Variants in CLVS2 observed in about 807,000 individuals in gnomAD.
CLVS2 encodes the protein clavesin 2.
A neutral mutation model predicts 29.0 loss-of-function variants in CLVS2; 19 were observed. That is an observed-to-expected ratio of 0.66 (90% CI 0.46 to 0.96). The LOEUF (loss-of-function observed/expected upper bound fraction) is 0.96. Ranked by LOEUF, CLVS2 falls within the 40% of genes least tolerant of loss-of-function variation. CLVS2 has a pLI of 0.00. For synonymous variants in CLVS2, 161 were observed against 151.3 expected, an observed-to-expected ratio of 1.06 and a Z score of -0.47; for missense variants, 294 against 404.1, an observed-to-expected ratio of 0.73 and a Z score of 2.34.
At position 123,044,219 on chromosome 6, in the gene CLVS2, A is replaced by T. The variant is rs938101811; in HGVS notation, c.565-4403A>T. On this transcript the variant is annotated intron_variant, in intron 3 of 5. Coordinates refer to ENST00000275162, the MANE Select transcript of CLVS2 (RefSeq NM_001010852.4). ...TTCTATTTCATTGTCTCCAGTGAAG[A>T]ACTGTGTAGCCAGCAAGTCAATGAT... Among the ~76,000 whole-genome samples the T allele has an allele frequency of 4.6e-5, 7 of 152,220 alleles. No individual in the cohort carries two copies. The East Asian group carries it at 1.3e-3, about 29-fold the overall frequency.
intron 2 of CLVS2, among the ~76,000 whole-genome samples, chr6:123,009,184 A>C (rs747535869): frequency 6.6e-6 from 1 of 152,026 alleles, no homozygotes; most frequent in Non-Finnish European, 1.5e-5. Flanking sequence ...TGCTGCCCTC[A>C]GTCCTCCCCC....
At position 123,055,788 on chromosome 6, in the gene CLVS2, G is replaced by A. The variant is rs752407735; in HGVS notation, c.676-18G>A. The A allele has an allele frequency of 1.9e-5, 30 of 1,563,930 alleles. No individual in the cohort carries two copies. Among genetic ancestry groups the A allele is most frequent in the South Asian group, 1.2e-4 (11 of 90,060 alleles). ...TCCTCTGTGTCTTTCCCTTCCTCCC[G>A]TCTTCTTGCATTTATAGATATTTTT... On this transcript the variant is annotated intron_variant, in intron 4 of 5. Transcript: ENST00000275162.
chr6:123,000,552 C>A (rs535988569), intron 2 of CLVS2, among the ~76,000 whole-genome samples: 1 of 152,116 alleles, frequency 6.6e-6, no homozygotes, highest in Non-Finnish European at 1.5e-5. Context: ...TTTCCTCTAC[C>A]CCGAAGGCTC....
At position 122,997,401 on chromosome 6, in the gene CLVS2, G is replaced by T. The variant is rs939175775; in HGVS notation, c.-377G>T. The T allele has an allele frequency of 8.2e-6, 2 of 243,862 alleles. No individual in the cohort carries two copies. Among genetic ancestry groups the T allele is most frequent in the Non-Finnish European group, 1.7e-5 (2 of 115,762 alleles). 15.1% of individuals were successfully genotyped at this position (243,862 alleles called of 1,614,324 possible). On this transcript the variant is annotated 5_prime_UTR_variant, in exon 2 of 6. Coordinates refer to ENST00000275162, the MANE Select transcript of CLVS2 (RefSeq NM_001010852.4). ...TCTTGGAAGAGAAGAGAAGAGGACA[G>T]TACCAAGATCAGAAACACCCGTGCT...
chr6:123,006,944 T>C (rs1016789485), intron 2 of CLVS2, among the ~76,000 whole-genome samples: 3 of 152,154 alleles, frequency 2.0e-5, no homozygotes, highest in Middle Eastern at 3.4e-3. Context: ...TGAAAGATAA[T>C]AGACTGACCA....
chr6:123,018,616 T>C (rs1774875385), intron 3 of CLVS2, among the ~76,000 whole-genome samples: 1 of 151,814 alleles, frequency 6.6e-6, no homozygotes, highest in South Asian at 2.1e-4. Flanking sequence ...TTCTATTCTC[T>C]TAAGATTGTT....
intron 3 of CLVS2, among the ~76,000 whole-genome samples, chr6:123,014,052 A>G (rs1440903905): frequency 6.6e-6 from 1 of 152,140 alleles, no homozygotes; most frequent in Non-Finnish European, 1.5e-5. Flanking sequence ...TTCTTAATCC[A>G]GTCTATCGTT....
chr6:123,003,697 A>G (rs1421579890), intron 2 of CLVS2, among the ~76,000 whole-genome samples: 1 of 152,178 alleles, frequency 6.6e-6, no homozygotes, highest in Non-Finnish European at 1.5e-5. Flanking sequence ...GGAAGAAAAA[A>G]CATGTAAAGC....
intron 3 of CLVS2, among the ~76,000 whole-genome samples, chr6:123,021,160 T>G (rs1273963586): frequency 6.6e-6 from 1 of 152,068 alleles, no homozygotes; most frequent in Non-Finnish European, 1.5e-5. Flanking sequence ...CAAAATAATT[T>G]TTTTCTTAGT....
rs913673274 is a variant in CLVS2, at chr6:123,071,041, A to G, written c.*7280A>G. On this transcript the variant is annotated 3_prime_UTR_variant, in exon 6 of 6. Transcript: ENST00000275162. ...TCCTGCTGTATTTCCTCTCCATAGC[A>G]TTTATCACCTGATACACCATACAGA... is the stretch of plus-strand genomic sequence containing the variant. 1.3e-5 allele frequency: 2 copies of G among 151,890 alleles called. No individual in the cohort carries two copies. 9.4% of individuals were successfully genotyped at this position (151,890 alleles called of 1,614,324 possible).
rs1417284534 is a variant in CLVS2, at chr6:123,010,987, A to G, written c.392A>G (p.Tyr131Cys). Residue 131 changes from tyrosine (Y) to cysteine (C), a missense_variant and splice_region_variant, in exon 3 of 6, where the codon TAC becomes TGC. Coordinates refer to ENST00000275162, the MANE Select transcript of CLVS2 (RefSeq NM_001010852.4). ...LFAANWDQSRYTLVDILRAIL... is the reference protein window; with the variant it reads ...LFAANWDQSRCTLVDILRAIL... ...TAGTACTTTTCTGTCGCCGATAGGTACACACTGGTGGATATTTTGCGTGCC... is the reference window on the plus strand; with the variant it reads ...TAGTACTTTTCTGTCGCCGATAGGTGCACACTGGTGGATATTTTGCGTGCC... 1.3e-6 allele frequency: 2 copies of G among 1,589,890 alleles called. No individual in the cohort carries two copies. The highest frequency in any genetic ancestry group is 1.7e-6 in the Non-Finnish European group (2 of 1,167,476).
intron 5 of CLVS2, among the ~76,000 whole-genome samples, chr6:123,063,162 A>T (rs1772803088): frequency 6.6e-6 from 1 of 152,150 alleles, no homozygotes; most frequent in South Asian, 2.1e-4. Context: ...ACAAATTTTG[A>T]TCTTTTGGTT....
chr6:123,037,189 A>G (rs900869240), intron 3 of CLVS2, among the ~76,000 whole-genome samples: 3 of 152,020 alleles, frequency 2.0e-5, no homozygotes, highest in Admixed American at 6.6e-5. Context: ...CTCAAATATG[A>G]TTCTTTTCAG....
At chr6:123,000,399 A>T (rs1379057970) in intron 2 of CLVS2, among the ~76,000 whole-genome samples, 3 of 152,106 alleles carry the variant, frequency 2.0e-5, no homozygotes, top group African/African-American at 7.2e-5. Flanking sequence ...AGACAAACAG[A>T]TCTGTCACCT....
intron 3 of CLVS2, among the ~76,000 whole-genome samples, chr6:123,021,692 T>C (rs1267427346): frequency 2.6e-5 from 4 of 152,038 alleles, no homozygotes; most frequent in East Asian, 1.9e-4. Flanking sequence ...AATCAGGAAA[T>C]TGGCATTGGT....
At chr6:123,016,290 C>T (rs1220674033) in intron 3 of CLVS2, among the ~76,000 whole-genome samples, 1 of 132,560 alleles carries the variant, frequency 7.5e-6, no homozygotes, top group Non-Finnish European at 1.5e-5. Context: ...TTTAGAAATA[C>T]CTACAATCTC....
chr6:123,018,590 A>G (rs1418273821), intron 3 of CLVS2, among the ~76,000 whole-genome samples: 1 of 151,706 alleles, frequency 6.6e-6, no homozygotes, highest in African/African-American at 2.4e-5. Context: ...TCTCTTATCC[A>G]TGAATAATAC....
At chr6:123,058,904 TG>T (rs1406399216) in intron 5 of CLVS2, among the ~76,000 whole-genome samples, 1 of 152,178 alleles carries the variant, frequency 6.6e-6, no homozygotes, top group African/African-American at 2.4e-5. Flanking sequence ...GTGATCCACC[TG>T]CCTCAGCCTC....
At chr6:123,030,603 C>T (rs1203061808) in intron 3 of CLVS2, among the ~76,000 whole-genome samples, 2 of 152,028 alleles carry the variant, frequency 1.3e-5, no homozygotes, top group Non-Finnish European at 1.5e-5. Flanking sequence ...ACTTTGCAGT[C>T]CAGGTAATAT....
Sources: allele counts gnomAD v4.1 joint callset (sites outside exome capture counted in the v4.1 genomes callset), GRCh38; gene constraint gnomAD v4.1.1; transcripts MANE v1.5; gene names NCBI Gene and HGNC (gene_info 2026-07-23, HGNC 2026-07-21).